The following TMEM209 variants were observed in gnomAD, a reference collection of about 807,000 sequenced individuals.
TMEM209 encodes the protein testicular tissue protein Li 202.
In TMEM209, 65 loss-of-function variants were observed where a neutral mutation model predicts 76.2. That is an observed-to-expected ratio of 0.85 (90% CI 0.70 to 1.05). The LOEUF is 1.05. Among genes scored for constraint, TMEM209 ranks in the 50% least tolerant of loss-of-function variants. TMEM209 has a pLI of 0.00. For synonymous variants in TMEM209, 239 were observed against 237.6 expected, an observed-to-expected ratio of 1.01 and a Z score of -0.06; for missense variants, 623 against 685.5, an observed-to-expected ratio of 0.91 and a Z score of 1.02.
At chr7:130,203,146 T>C (rs1156973062) in intron 3 of TMEM209, among the ~76,000 whole-genome samples, 2 of 152,062 alleles carry the variant, frequency 1.3e-5, no homozygotes, top group Non-Finnish European at 2.9e-5. Context: ...ATAGCACTAA[T>C]CCTAGCAACC....
intron 6 of TMEM209, among the ~76,000 whole-genome samples, chr7:130,188,021 T>C (rs1189038838): frequency 6.6e-6 from 1 of 152,138 alleles, no homozygotes; most frequent in Non-Finnish European, 1.5e-5. Flanking sequence ...AAAGTGTGTT[T>C]AAGCAACTGA....
chr7:130,176,801 T>C (rs548840579), intron 10 of TMEM209, among the ~76,000 whole-genome samples: 4 of 152,262 alleles, frequency 2.6e-5, no homozygotes, highest in Non-Finnish European at 4.4e-5. Context: ...CAAAAAATTA[T>C]GCATTTTTAT....
chr7:130,185,210 A>G lies in TMEM209; in HGVS notation c.933T>C (p.Ser311=), dbSNP rs748974958. 9 of 1,613,476 alleles carry G rather than the reference A, an allele frequency of 5.6e-6. No homozygotes were observed. The highest frequency in any genetic ancestry group is 7.6e-6 in the Non-Finnish European group (9 of 1,179,668). ...CACTTACCTCTTCTGCGGCTTGTTTAGAGCTGAGATCGGCTTCATCTTTGT... is the reference window on the plus strand; with the variant it reads ...CACTTACCTCTTCTGCGGCTTGTTTGGAGCTGAGATCGGCTTCATCTTTGT... ...CANKDEADLS[S]KQAAEEVWAR... Residue 311 remains serine (S), a synonymous_variant, in exon 7 of 15, where the codon TCT becomes TCC. Transcript: ENST00000397622.
At chr7:130,181,811 T>G in intron 8 of TMEM209, 92 bp from the exon 9 acceptor site, 3 of 996,668 alleles carry the variant, frequency 3.0e-6, no homozygotes, top group Non-Finnish European at 4.5e-6. Flanking sequence ...CTAAGAATTT[T>G]TTTTACTATC....
At chr7:130,190,345 C>T (rs1165324977) in intron 6 of TMEM209, among the ~76,000 whole-genome samples, 1 of 151,944 alleles carries the variant, frequency 6.6e-6, no homozygotes, top group Non-Finnish European at 1.5e-5. Flanking sequence ...AGGGGAAACC[C>T]TGTCTCTACT....
In TMEM209 at chr7:130,202,070, T is replaced by C. The variant is rs1267624964; in HGVS notation, c.353A>G (p.His118Arg). The C allele has an allele frequency of 7.4e-6, 12 of 1,613,610 alleles. No homozygotes were observed. Among genetic ancestry groups the C allele is most frequent in the Non-Finnish European group, 1.0e-5 (12 of 1,179,790 alleles). Residue 118 changes from histidine (H) to arginine (R), a missense_variant, in exon 5 of 15, where the codon CAT becomes CGT. By Grantham distance (29) the His-to-Arg change is conservative. Coordinates refer to ENST00000397622, the MANE Select transcript of TMEM209 (RefSeq NM_032842.4). Reference sequence around the variant, plus strand: ...AGGGATTTGGGTTGCTGCCAGATCATGTGGAGGCGTAGTCTGTACAACTAG... The same window carrying C: ...AGGGATTTGGGTTGCTGCCAGATCACGTGGAGGCGTAGTCTGTACAACTAG... ...KTAVVQTTPP[H>R]DLAATQIPPA...
At chr7:130,200,729 T>A (rs1798160057) in intron 5 of TMEM209, among the ~76,000 whole-genome samples, 1 of 152,144 alleles carries the variant, frequency 6.6e-6, no homozygotes, top group Non-Finnish European at 1.5e-5. Context: ...ACATATATAC[T>A]TTCTCATAAA....
intron 6 of TMEM209, among the ~76,000 whole-genome samples, chr7:130,187,831 A>T (rs117827406): frequency 6.6e-6 from 1 of 152,282 alleles, no homozygotes; most frequent in Non-Finnish European, 1.5e-5. Flanking sequence ...GGCAAATACA[A>T]AACAGCTAGG....
At chr7:130,166,563 T>A (rs1462315007) in intron 14 of TMEM209, 58 bp from the exon 15 acceptor site, 1 of 1,154,634 alleles carries the variant, frequency 8.7e-7, no homozygotes, top group Non-Finnish European at 1.2e-6. Flanking sequence ...AAGGTCTTTT[T>A]CTAATAACAA....
rs2117042197 is a variant in TMEM209 at position 130,203,800 on chromosome 7, G to C, written c.187C>G (p.Leu63Val). 4 of 1,604,312 alleles carry C rather than the reference G, an allele frequency of 2.5e-6. No individual in the cohort carries two copies. The South Asian group carries it at 4.5e-5, about 18-fold the overall frequency. The change falls in exon 3 of 15, where the codon CTC becomes GTC. Residue 63 changes from leucine to valine, a missense_variant. Leu to Val is a conservative substitution (Grantham distance 32). Transcript: ENST00000397622. Reference sequence around the variant, plus strand: ...ATTACTTACTTACCAATATACCAGAGGGGCCAGTATGTCACATTGTAGTAT... The same window carrying C: ...ATTACTTACTTACCAATATACCAGACGGGCCAGTATGTCACATTGTAGTAT... ...SSYYNVTYWP[L>V]WYIELALASL...
At chr7:130,189,789 CTG>C (rs959509943) in intron 6 of TMEM209, among the ~76,000 whole-genome samples, 1 of 152,132 alleles carries the variant, frequency 6.6e-6, no homozygotes, top group African/African-American at 2.4e-5. Context: ...GTACATATAT[CTG>C]TGTATATGTC....
At chr7:130,189,636 C>A (rs1470358718) in intron 6 of TMEM209, among the ~76,000 whole-genome samples, 1 of 152,158 alleles carries the variant, frequency 6.6e-6, no homozygotes, top group Admixed American at 6.5e-5. Flanking sequence ...ATATGAGGGC[C>A]TGGTTTTTCA....
At chr7:130,196,859 A>T (rs1449040586) in intron 5 of TMEM209, among the ~76,000 whole-genome samples, 1 of 152,226 alleles carries the variant, frequency 6.6e-6, no homozygotes, top group East Asian at 1.9e-4. Context: ...TTATTTTAAA[A>T]TACTATGCTT....
rs1369562927 is a variant in TMEM209, at chr7:130,170,420, G to A, written c.1611C>T (p.Thr537=). 13 of 1,612,422 alleles carry A rather than the reference G, an allele frequency of 8.1e-6. No individual in the cohort carries two copies. Among genetic ancestry groups the A allele is most frequent in the Non-Finnish European group, 1.0e-5 (12 of 1,179,494 alleles). The change falls in exon 14 of 15, where the codon ACC becomes ACT. Residue 537 remains threonine, a synonymous_variant. Transcript: ENST00000397622. ...TLLMFLYIIK[T]KESGMLGRVN... ...CCTACCCAAGCATTCCTGACTCTTTGGTCTTTATGATGTAGAGAAACATCA... is the reference window on the plus strand; with the variant it reads ...CCTACCCAAGCATTCCTGACTCTTTAGTCTTTATGATGTAGAGAAACATCA...
chr7:130,171,403 C>T (rs1797062055), intron 13 of TMEM209, among the ~76,000 whole-genome samples: 1 of 152,004 alleles, frequency 6.6e-6, no homozygotes, highest in African/African-American at 2.4e-5. Flanking sequence ...TAACTTTTCC[C>T]CACTTACTCT....
intron 7 of TMEM209, among the ~76,000 whole-genome samples, 179 bp downstream of exon 7, chr7:130,185,013 T>A (rs1797548819): frequency 6.6e-6 from 1 of 152,152 alleles, no homozygotes; most frequent in African/African-American, 2.4e-5. Flanking sequence ...TATGATATAA[T>A]TTAGTTTTTA....
At chr7:130,167,360 CCTCA>C (rs1425169889) in intron 14 of TMEM209, among the ~76,000 whole-genome samples, 2 of 151,876 alleles carry the variant, frequency 1.3e-5, no homozygotes, top group Non-Finnish European at 2.9e-5. Flanking sequence ...TTCTTCATAC[CCTCA>C]CTGACACTAC....
chr7:130,188,864 T>C (rs1272292998), intron 6 of TMEM209, among the ~76,000 whole-genome samples: 1 of 152,188 alleles, frequency 6.6e-6, no homozygotes, highest in African/African-American at 2.4e-5. Flanking sequence ...CCATGTTGTA[T>C]TCTTGCCAGA....
At position 130,185,242 on chromosome 7, in the gene TMEM209, A is replaced by G. The variant is rs1797557321; in HGVS notation, c.901T>C (p.Cys301Arg). The G allele has an allele frequency of 1.9e-6, 3 of 1,613,862 alleles. No individual in the cohort carries two copies. The highest frequency in any genetic ancestry group is 4.5e-5 in the East Asian group (2 of 44,894). The change falls in exon 7 of 15, where the codon TGT (cysteine) becomes CGT (arginine). Residue 301 changes from cysteine (C) to arginine (R), a missense_variant. Cys to Arg is a radical substitution (Grantham distance 180). Transcript: ENST00000397622. ...YQLACRSQAPCANKDEADLSS... is the reference protein window; with the variant it reads ...YQLACRSQAPRANKDEADLSS... ...AGATCGGCTTCATCTTTGTTAGCAC[A>G]TGGGGCCTGAGACCTACAGGCAAGC...
Sources: allele counts gnomAD v4.1 joint callset (sites outside exome capture counted in the v4.1 genomes callset), GRCh38; gene constraint gnomAD v4.1.1; transcripts MANE v1.5; gene names NCBI Gene and HGNC (gene_info 2026-07-23, HGNC 2026-07-21).